The following RPS6KC1 variants were observed in gnomAD, a reference collection of about 807,000 sequenced individuals.
RPS6KC1 encodes the protein inactive ribosomal protein S6 kinase delta-1.
In RPS6KC1, 54 loss-of-function variants were observed where a neutral mutation model predicts 103.8. The observed-to-expected ratio is 0.52, with a 90% CI of 0.42 to 0.65. RPS6KC1 has a LOEUF of 0.65. Ranked by LOEUF, RPS6KC1 falls within the 30% of genes least tolerant of loss-of-function variation. RPS6KC1 has a pLI of 0.00. For missense variants in RPS6KC1, 1,151 were observed against 1,253.8 expected (o/e 0.92, Z 1.24); for synonymous variants, 439 against 438.7 (o/e 1.00, Z -0.01).
At chr1:213,859,644 A>C in the RPS6KC1 span, among the ~76,000 whole-genome samples, 4 of 152,090 alleles carry the variant, frequency 2.6e-5, no homozygotes, top group Admixed American at 2.6e-4. Flanking sequence ...TAGTTTTCTG[A>C]CTCCCGTTCT....
the RPS6KC1 span, among the ~76,000 whole-genome samples, chr1:213,770,015 G>A: frequency 6.6e-6 from 1 of 152,126 alleles, no homozygotes; most frequent in Non-Finnish European, 1.5e-5. Flanking sequence ...GGGAGCCAGG[G>A]CTACCAAGTG....
At chr1:213,608,458 A>G in the RPS6KC1 span, among the ~76,000 whole-genome samples, 2 of 152,206 alleles carry the variant, frequency 1.3e-5, no homozygotes, top group African/African-American at 4.8e-5. Context: ...TCTAAGGGAA[A>G]TAGCGCTTGG....
chr1:213,607,051 T>C, the RPS6KC1 span, among the ~76,000 whole-genome samples: 1 of 152,212 alleles, frequency 6.6e-6, no homozygotes, highest in Non-Finnish European at 1.5e-5. Context: ...AGACATCCAC[T>C]CAGCCCAGCT....
chr1:213,637,641 C>G, the RPS6KC1 span, among the ~76,000 whole-genome samples: 21,413 of 152,026 alleles, frequency 0.14, 2,381 homozygotes, highest in African/African-American at 0.31. Context: ...TTTAACTGTA[C>G]GAAACCGTGA....
At chr1:213,591,162 C>T in the RPS6KC1 span, among the ~76,000 whole-genome samples, 6,299 of 152,244 alleles carry the variant, frequency 0.041, 305 homozygotes, top group East Asian at 0.27. Flanking sequence ...ACTGTGGAAA[C>T]TGGGTGAGAA....
the RPS6KC1 span, among the ~76,000 whole-genome samples, chr1:213,734,965 C>A: frequency 6.6e-6 from 1 of 152,138 alleles, no homozygotes; most frequent in African/African-American, 2.4e-5. Context: ...GCTCTGTAGC[C>A]CAGGCTGGAG....
chr1:213,659,780 C>T, the RPS6KC1 span, among the ~76,000 whole-genome samples: 1 of 151,898 alleles, frequency 6.6e-6, no homozygotes, highest in African/African-American at 2.4e-5. Context: ...GCATACTGTT[C>T]CCAACAGCAG....
the RPS6KC1 span, among the ~76,000 whole-genome samples, chr1:213,758,103 A>G: frequency 2.0e-5 from 3 of 152,240 alleles, no homozygotes; most frequent in Non-Finnish European, 2.9e-5. Context: ...TTCATGTTTG[A>G]TAACACAACA....
At chr1:213,212,864 A>C (rs776654298) in intron 8 of RPS6KC1, among the ~76,000 whole-genome samples, 2 of 152,122 alleles carry the variant, frequency 1.3e-5, no homozygotes, top group African/African-American at 4.8e-5. Context: ...CTTATTTGCC[A>C]TCTGTATATC....
chr1:213,073,176 G>C (rs752522506), intron 2 of RPS6KC1, among the ~76,000 whole-genome samples: 1 of 152,104 alleles, frequency 6.6e-6, no homozygotes, highest in Non-Finnish European at 1.5e-5. Context: ...TCACCACTTA[G>C]AGTTTGTTTT....
At chr1:213,353,866 C>T in the RPS6KC1 span, among the ~76,000 whole-genome samples, 1 of 152,266 alleles carries the variant, frequency 6.6e-6, no homozygotes, top group African/African-American at 2.4e-5. Flanking sequence ...CTATTGCTTC[C>T]CTATGCTGTG....
the RPS6KC1 span, among the ~76,000 whole-genome samples, chr1:213,723,416 T>C: frequency 4.6e-5 from 7 of 152,178 alleles, no homozygotes; most frequent in Non-Finnish European, 8.8e-5. Flanking sequence ...AGGGTTTCTT[T>C]TGAGGCCTCT....
At chr1:213,579,168 C>G in the RPS6KC1 span, among the ~76,000 whole-genome samples, 336 of 152,212 alleles carry the variant, frequency 2.2e-3, no homozygotes, top group African/African-American at 7.5e-3. Context: ...GCCATGTAAG[C>G]TGTGCTTTTG....
the RPS6KC1 span, among the ~76,000 whole-genome samples, chr1:213,443,275 CTGTCAGAAAAT>C: frequency 6.6e-6 from 1 of 152,150 alleles, no homozygotes; most frequent in Non-Finnish European, 1.5e-5. Context: ...TCACTTTTAC[CTGTCAGAAAAT>C]TGTCATATCA....
At chr1:213,648,118 G>A in the RPS6KC1 span, among the ~76,000 whole-genome samples, 2 of 152,086 alleles carry the variant, frequency 1.3e-5, no homozygotes, top group African/African-American at 4.8e-5. Flanking sequence ...AAGTCATCAA[G>A]CAAAGCACCA....
chr1:213,197,327 T>C (rs557719112), intron 8 of RPS6KC1, among the ~76,000 whole-genome samples: 54 of 152,158 alleles, frequency 3.5e-4, no homozygotes, highest in Non-Finnish European at 6.9e-4. Flanking sequence ...GAAGAATGAT[T>C]ATGGCATTTT....
the RPS6KC1 span, among the ~76,000 whole-genome samples, chr1:213,436,825 A>G: frequency 6.6e-6 from 1 of 152,282 alleles, no homozygotes; most frequent in South Asian, 2.1e-4. Context: ...TTTCTGATAC[A>G]TAGAAATGCA....
At chr1:213,338,528 A>T in the RPS6KC1 span, among the ~76,000 whole-genome samples, 1 of 152,360 alleles carries the variant, frequency 6.6e-6, no homozygotes, top group South Asian at 2.1e-4. Flanking sequence ...AGCTATGTCC[A>T]TAGCAGGTGT....
the RPS6KC1 span, among the ~76,000 whole-genome samples, chr1:213,346,442 CAT>C: frequency 2.8e-3 from 422 of 152,022 alleles, no homozygotes; most frequent in Admixed American, 4.5e-3. Context: ...TACATTTTTT[CAT>C]AGAGGAGATT....
Sources: allele counts gnomAD v4.1 joint callset (sites outside exome capture counted in the v4.1 genomes callset), GRCh38; gene constraint gnomAD v4.1.1; transcripts MANE v1.5; gene names NCBI Gene and HGNC (gene_info 2026-07-23, HGNC 2026-07-21).